R3HDML: variants seen among roughly 807,000 people sequenced by gnomAD.
R3HDML encodes the protein R3H domain containing like.
A neutral mutation model predicts 24.2 loss-of-function variants in R3HDML; 21 were observed. The observed-to-expected ratio is 0.87, with a 90% CI of 0.62 to 1.25. R3HDML has a LOEUF of 1.25. Among genes scored for constraint, R3HDML ranks in the 50% most tolerant of loss-of-function variants. The pLI is 0.00. For missense variants in R3HDML, 301 were observed against 340.3 expected (o/e 0.88, Z 0.91); for synonymous variants, 133 against 131.5 (o/e 1.01, Z -0.08).
chr20:44,343,813 C>T (rs974701359), intron 3 of R3HDML, among the ~76,000 whole-genome samples: 2 of 151,708 alleles, frequency 1.3e-5, no homozygotes, highest in Non-Finnish European at 2.9e-5. Context: ...CTCTGTCCCC[C>T]CCGCAAAAAA....
At chr20:44,341,869 A>G (rs1470486429) in intron 2 of R3HDML, among the ~76,000 whole-genome samples, 2 of 152,194 alleles carry the variant, frequency 1.3e-5, no homozygotes, top group Admixed American at 1.3e-4. Context: ...TGAGTGACAG[A>G]GTGAGACTGT....
Position 44,337,544 on chromosome 20 carries a change from C to T in R3HDML, c.261+126C>T. On this transcript the variant is annotated intron_variant, in intron 1 of 4. Transcript: ENST00000217043. The surrounding 1 kb of genome is among the most constrained non-coding windows in gnomAD (Gnocchi z 4.7). ...CACTTGCCTGCCTGGCCCCACTAGC[C>T]AGTATCTGGGTGTCGACCTGTGGAA... 1 of 1,038,418 alleles carries T rather than the reference C, an allele frequency of 9.6e-7. No homozygotes were observed. The highest frequency in any genetic ancestry group is 1.4e-6 in the Non-Finnish European group (1 of 708,616). 64.3% of individuals were successfully genotyped at this position (1,038,418 alleles called of 1,614,324 possible).
At chr20:44,344,119 A>C (rs947197726) in intron 3 of R3HDML, among the ~76,000 whole-genome samples, 35 of 152,230 alleles carry the variant, frequency 2.3e-4, no homozygotes, top group African/African-American at 7.5e-4. Context: ...GTCTCTACTG[A>C]AAATACAAAA....
intron 3 of R3HDML, chr20:44,345,062 C>A: frequency 3.4e-6 from 2 of 579,842 alleles, no homozygotes; most frequent in South Asian, 4.1e-5. Context: ...AAAATTATTC[C>A]TTACTGTTGG....
chr20:44,343,419 GA>G lies in R3HDML; in HGVS notation c.425del (p.Lys142SerfsTer104). 6.2e-7 allele frequency: 1 copy of G among 1,613,258 alleles called. No individual in the cohort carries two copies. Among genetic ancestry groups the G allele is most frequent in the Non-Finnish European group, 8.5e-7 (1 of 1,179,578 alleles). On this transcript the variant is annotated frameshift_variant, in exon 3 of 5. Transcript: ENST00000217043. LOFTEE classifies it high-confidence loss of function. ...ATCTCATGAAGTCCTGGTCTGAGGA[GA>G]AGTGGCATTACTTGTTTCCGGCCCC... ...VDLMKSWSEE[K>X]WHYLFPAPRD... is the part of the protein sequence containing the mutation.
Position 44,351,022 on chromosome 20 carries a change from G to A in R3HDML, c.*230G>A. 1 of 477,394 alleles carries A rather than the reference G, an allele frequency of 2.1e-6. No homozygotes were observed. Among genetic ancestry groups the A allele is most frequent in the Non-Finnish European group, 3.7e-6 (1 of 272,762 alleles). The allele number at this position is 477,394 out of a possible 1,614,324, so 29.6% of individuals were successfully genotyped here. On this transcript the variant is annotated 3_prime_UTR_variant, in exon 5 of 5. Transcript: ENST00000217043. ...GCATCTTTCTTTTCTTGGGCCTCTGGGAAAGAGCCCTGCATCTTTCATTAA... is the reference window on the plus strand; with the variant it reads ...GCATCTTTCTTTTCTTGGGCCTCTGAGAAAGAGCCCTGCATCTTTCATTAA...
chr20:44,343,140 G>A (rs1410763862), intron 2 of R3HDML, among the ~76,000 whole-genome samples: 2 of 152,148 alleles, frequency 1.3e-5, no homozygotes, highest in Non-Finnish European at 2.9e-5. Flanking sequence ...CCGGCCCTCT[G>A]TATAACAGTA....
At chr20:44,340,718 C>T (rs1001681607) in intron 1 of R3HDML, among the ~76,000 whole-genome samples, 9 of 152,098 alleles carry the variant, frequency 5.9e-5, no homozygotes, top group Non-Finnish European at 1.3e-4. Flanking sequence ...ACCTCACCAC[C>T]TCCCACTGTA....
chr20:44,343,798 T>G (rs77675182), intron 3 of R3HDML, among the ~76,000 whole-genome samples: 2 of 151,634 alleles, frequency 1.3e-5, no homozygotes, highest in Non-Finnish European at 2.9e-5. Flanking sequence ...CAGGTTCAAG[T>G]GAAACTCTGT....
intron 3 of R3HDML, among the ~76,000 whole-genome samples, chr20:44,344,054 G>T (rs1226277992): frequency 6.6e-6 from 1 of 152,118 alleles, no homozygotes; most frequent in African/African-American, 2.4e-5. Flanking sequence ...AGGCCAAGGG[G>T]GTGGATCACG....
chr20:44,348,515 C>CTTTCCTTTCCTTTCT (rs1344926833), intron 4 of R3HDML, among the ~76,000 whole-genome samples: 3 of 113,342 alleles, frequency 2.6e-5, no homozygotes, highest in Non-Finnish European at 5.3e-5. Context: ...CTTTCCTTTC[C>CTTTCCTTTCCTTTCT]TTTCTTTTCT....
intron 4 of R3HDML, among the ~76,000 whole-genome samples, chr20:44,346,532 T>C (rs1220318004): frequency 6.6e-6 from 1 of 152,218 alleles, no homozygotes; most frequent in Non-Finnish European, 1.5e-5. Context: ...CATCTGCCAA[T>C]ACACCAGCCA....
intron 2 of R3HDML, among the ~76,000 whole-genome samples, chr20:44,341,540 CA>C (rs891340767): frequency 5.0e-4 from 76 of 152,296 alleles, no homozygotes; most frequent in African/African-American, 1.8e-3. Context: ...TGAGAACAAA[CA>C]AGTGCACAGA....
intron 4 of R3HDML, among the ~76,000 whole-genome samples, chr20:44,349,180 T>TAAAAA (rs2062801128): frequency 6.6e-6 from 1 of 150,936 alleles, no homozygotes; most frequent in Admixed American, 6.6e-5. Context: ...TAAAATAAAA[T>TAAAAA]AAAATAAAAA....
At position 44,344,435 on chromosome 20, in the gene R3HDML, C is replaced by T. The variant is rs578146119; in HGVS notation, c.514-828C>T. ...CCAGCCTGGGTGACAGTGAGACCCA[C>T]CTCTCTAAAAATAATAATAATTTAA... On this transcript the variant is annotated intron_variant, in intron 3 of 4. Coordinates refer to ENST00000217043, the MANE Select transcript of R3HDML (RefSeq NM_178491.4). Among the ~76,000 whole-genome samples, 5 of 149,556 alleles carry T rather than the reference C, an allele frequency of 3.3e-5. No homozygotes were observed. In the East Asian group the frequency reaches 1.0e-3, roughly 30 times the overall value.
At position 44,347,496 on chromosome 20, in the gene R3HDML, G is replaced by C. The variant is rs559243509; in HGVS notation, c.629+2118G>C. 2.6e-5 allele frequency: 4 copies of C among 152,160 alleles called. No homozygotes were observed. In the East Asian group the frequency reaches 7.7e-4, roughly 29 times the overall value. 9.4% of individuals were successfully genotyped at this position (152,160 alleles called of 1,614,324 possible). A position where few individuals can be genotyped will look rare whatever the true frequency, so the allele number is the denominator to read the frequency against. On this transcript the variant is annotated intron_variant, in intron 4 of 4. Coordinates refer to ENST00000217043, the MANE Select transcript of R3HDML (RefSeq NM_178491.4). ...GGACTCCCAAAGTGCTGGGATTATAGGTGTGAGCCACCCACCGTGCCTGCC... is the reference window on the plus strand; with the variant it reads ...GGACTCCCAAAGTGCTGGGATTATACGTGTGAGCCACCCACCGTGCCTGCC...
chr20:44,348,946 G>A (rs73613478), intron 4 of R3HDML, among the ~76,000 whole-genome samples: 1 of 151,876 alleles, frequency 6.6e-6, no homozygotes, highest in Non-Finnish European at 1.5e-5. Context: ...AGGTCAGGAG[G>A]TCGAGACCAG....
At chr20:44,341,611 A>G (rs959290938) in intron 2 of R3HDML, among the ~76,000 whole-genome samples, 1 of 152,196 alleles carries the variant, frequency 6.6e-6, no homozygotes, top group Admixed American at 6.6e-5. Flanking sequence ...GGGGCCGGGC[A>G]CGGTGGCTTA....
rs73275329 is a variant in R3HDML at position 44,345,488 on chromosome 20, C to T, written c.629+110C>T. On this transcript the variant is annotated intron_variant, in intron 4 of 4. Transcript: ENST00000217043. ...TTCTTCATTCTAAGTGCCCTCAATA[C>T]CATATAATTTGGGTAGTTTTAAGAG... 2,396 of 745,904 alleles carry T rather than the reference C, an allele frequency of 3.2e-3. 44 individuals carry two copies. The African/African-American group carries it at 0.038, about 12-fold the overall frequency. The allele number at this position is 745,904 out of a possible 1,614,324, so 46.2% of individuals were successfully genotyped here.
Sources: gnomAD v4.1 joint callset for allele counts (sites outside exome capture counted in the v4.1 genomes callset) on GRCh38, gnomAD v4.1.1 for gene constraint, Gnocchi (gnomAD v3.1) non-coding constraint, MANE v1.5 for transcripts, NCBI Gene and HGNC (gene_info 2026-07-23, HGNC 2026-07-21) for gene names.